Variants in CDH13 observed in about 807,000 individuals in gnomAD.
CDH13 encodes cadherin-13.
In CDH13, 24 loss-of-function variants were observed where a neutral mutation model predicts 63.8. That is an observed-to-expected ratio of 0.38 (90% CI 0.27 to 0.53). CDH13 has a LOEUF of 0.53. Among genes scored for constraint, CDH13 ranks in the 20% least tolerant of loss-of-function variants. The pLI is 0.85. For missense variants in CDH13, 1,049 were observed against 903.1 expected, an observed-to-expected ratio of 1.16 and a Z score of -2.07; for synonymous variants, 503 against 355.3, an observed-to-expected ratio of 1.42 and a Z score of -4.67.
At chr16:83,353,697 C>T (rs1194119606) in intron 6 of CDH13, among the ~76,000 whole-genome samples, 1 of 152,270 alleles carries the variant, frequency 6.6e-6, no homozygotes, top group East Asian at 1.9e-4. Flanking sequence ...ACTCTCCTCT[C>T]TAACCATGAA....
chr16:83,096,828 A>G (rs867623819), intron 3 of CDH13, among the ~76,000 whole-genome samples: 4 of 152,284 alleles, frequency 2.6e-5, no homozygotes, highest in Middle Eastern at 6.8e-3. Flanking sequence ...AAAAATGATG[A>G]TTTTTTTATA....
intron 1 of CDH13, among the ~76,000 whole-genome samples, chr16:82,694,373 A>C (rs2029998285): frequency 6.6e-6 from 1 of 152,218 alleles, no homozygotes; most frequent in South Asian, 2.1e-4. Context: ...TGGACTGCTC[A>C]CTATCACTGC....
intron 2 of CDH13, among the ~76,000 whole-genome samples, chr16:82,882,858 T>C (rs1441685675): frequency 6.6e-6 from 1 of 152,094 alleles, no homozygotes; most frequent in Non-Finnish European, 1.5e-5. Flanking sequence ...TCTTGGGATA[T>C]TAGGAGAAAA....
intron 1 of CDH13, among the ~76,000 whole-genome samples, chr16:82,723,639 A>G (rs1013133912): frequency 1.3e-5 from 2 of 152,220 alleles, no homozygotes; most frequent in Non-Finnish European, 1.5e-5. Context: ...GGAGTTGTCA[A>G]TCATCCAAAC....
intron 7 of CDH13, among the ~76,000 whole-genome samples, chr16:83,571,214 A>G (rs1904591065): frequency 1.3e-5 from 2 of 152,032 alleles, no homozygotes; most frequent in African/African-American, 4.8e-5. Context: ...TGGATTTTCT[A>G]CCTTATTTTA....
intron 7 of CDH13, among the ~76,000 whole-genome samples, chr16:83,575,064 A>G (rs1233327975): frequency 6.6e-6 from 1 of 152,248 alleles, no homozygotes; most frequent in African/African-American, 2.4e-5. Flanking sequence ...ATTTGGCCAT[A>G]AAAATGAACG....
chr16:82,918,300 A>G (rs1183521570), intron 2 of CDH13, among the ~76,000 whole-genome samples: 1 of 152,196 alleles, frequency 6.6e-6, no homozygotes, highest in African/African-American at 2.4e-5. Context: ...AACTAGATGA[A>G]TTATTTCTCA....
intron 5 of CDH13, among the ~76,000 whole-genome samples, chr16:83,335,762 G>C (rs947115824): frequency 6.6e-6 from 1 of 151,920 alleles, no homozygotes; most frequent in African/African-American, 2.4e-5. Flanking sequence ...TCTAATTACC[G>C]GTGCATGCAG....
intron 3 of CDH13, among the ~76,000 whole-genome samples, chr16:83,090,458 C>G (rs2033844017): frequency 6.6e-6 from 1 of 151,802 alleles, no homozygotes; most frequent in African/African-American, 2.4e-5. Flanking sequence ...CCTGTAATCC[C>G]AGCCACTTGG....
chr16:83,182,430 T>A (rs938182719), intron 4 of CDH13, among the ~76,000 whole-genome samples: 1 of 152,166 alleles, frequency 6.6e-6, no homozygotes, highest in Non-Finnish European at 1.5e-5. Context: ...AAATAATTCA[T>A]CTTTTGAACC....
At chr16:83,037,416 T>G (rs915314805) in intron 3 of CDH13, among the ~76,000 whole-genome samples, 3 of 152,158 alleles carry the variant, frequency 2.0e-5, no homozygotes, top group Admixed American at 1.3e-4. Context: ...GCTGCTGCCA[T>G]TGCCCATGGG....
chr16:83,366,013 C>T (rs1341859614), intron 6 of CDH13, among the ~76,000 whole-genome samples: 1 of 152,190 alleles, frequency 6.6e-6, no homozygotes, highest in East Asian at 1.9e-4. Context: ...TTCTCACCCA[C>T]AGATACTGTT....
At chr16:83,460,620 C>CA (rs1366433203) in intron 6 of CDH13, among the ~76,000 whole-genome samples, 3 of 151,504 alleles carry the variant, frequency 2.0e-5, no homozygotes, top group East Asian at 1.9e-4. Flanking sequence ...ATATAGAGTT[C>CA]AAAAAAACAG....
intron 2 of CDH13, among the ~76,000 whole-genome samples, chr16:83,011,800 C>A (rs538682764): frequency 7.2e-4 from 110 of 152,308 alleles, no homozygotes; most frequent in African/African-American, 2.5e-3. Flanking sequence ...ACAGCCAAAC[C>A]CAGCAAGTGT....
intron 1 of CDH13, among the ~76,000 whole-genome samples, chr16:82,690,441 T>C (rs143456175): frequency 6.6e-6 from 1 of 152,178 alleles, no homozygotes; most frequent in African/African-American, 2.4e-5. Context: ...TGTGGAATAA[T>C]CTTAGGGCTG....
At chr16:83,709,974 C>T (rs72797273) in intron 10 of CDH13, among the ~76,000 whole-genome samples, 1 of 151,880 alleles carries the variant, frequency 6.6e-6, no homozygotes, top group African/African-American at 2.4e-5. Context: ...TCCAAATAGT[C>T]CAAAAAATGG....
At chr16:82,857,427 G>A (rs1177611544) in intron 1 of CDH13, among the ~76,000 whole-genome samples, 3 of 152,146 alleles carry the variant, frequency 2.0e-5, no homozygotes, top group Non-Finnish European at 2.9e-5. Context: ...GGTTGTTGGG[G>A]GGAGGTAATA....
chr16:83,620,030 T>C (rs190147249), intron 8 of CDH13, among the ~76,000 whole-genome samples: 140 of 151,478 alleles, frequency 9.2e-4, no homozygotes, highest in African/African-American at 3.3e-3. Context: ...GGGCCAGATC[T>C]CACCCACAAG....
At position 83,325,773 on chromosome 16, in the gene CDH13, T is replaced by G. The variant is rs193290949; in HGVS notation, c.637-19089T>G. ...CTTCTCAGGGAACAAATACCTTATT[T>G]AGAAAATTTTCCTTGACCTGCAAAA... On this transcript the variant is annotated intron_variant, in intron 5 of 13. Coordinates refer to ENST00000567109, the MANE Select transcript of CDH13 (RefSeq NM_001257.5). Among the ~76,000 whole-genome samples, 349 of 152,256 alleles carry G rather than the reference T, an allele frequency of 2.3e-3. 1 individual carries two copies. Among genetic ancestry groups the G allele is most frequent in the African/African-American group, 7.6e-3 (317 of 41,536 alleles).
Sources: gnomAD v4.1 joint callset for allele counts (sites outside exome capture counted in the v4.1 genomes callset) on GRCh38, gnomAD v4.1.1 for gene constraint, MANE v1.5 for transcripts, NCBI Gene and HGNC (gene_info 2026-07-23, HGNC 2026-07-21) for gene names.